The following DNAH2 variants were observed in gnomAD, a reference collection of about 807,000 sequenced individuals.
DNAH2 encodes the protein dynein axonemal heavy chain 2, also known as axonemal beta dynein heavy chain 2.
A neutral mutation model predicts 523.5 loss-of-function variants in DNAH2; 323 were observed. That is an observed-to-expected ratio of 0.62 (90% confidence interval 0.56 to 0.68). The LOEUF (loss-of-function observed/expected upper bound fraction) is 0.68, where lower values mean the gene tolerates loss of function less well. Ranked by LOEUF, DNAH2 falls within the 30% of genes least tolerant of loss-of-function variation. DNAH2 has a pLI of 0.00. For synonymous variants in DNAH2, 2,093 were observed against 2,177.4 expected, an observed-to-expected ratio of 0.96 and a Z score of 1.08; for missense variants, 4,907 against 5,701.5, an observed-to-expected ratio of 0.86 and a Z score of 4.49.
rs1382909743 is a variant in DNAH2 at position 7,832,525 on chromosome 17, T to C, written c.12727-54T>C. On this transcript the variant is annotated intron_variant, in intron 82 of 85. Transcript: ENST00000572933. The surrounding 1 kb of genome is among the most constrained non-coding windows in gnomAD (Gnocchi z 4.3). The stretch of plus-strand genomic sequence containing the variant: ...ACTCTGTCTCTAAATAAATAAATAA[T>C]ACGGATTTGAATGCACGGCTAAATG... 6.3e-7 allele frequency: 1 copy of C among 1,580,146 alleles called. No homozygotes were observed. The highest frequency in any genetic ancestry group is 1.4e-5 in the African/African-American group (1 of 73,740).
At chr17:7,730,448 G>A (rs62062610) in intron 4 of DNAH2, among the ~76,000 whole-genome samples, 16,483 of 152,164 alleles carry the variant, frequency 0.11, 1,008 homozygotes, top group Non-Finnish European at 0.12. Context: ...TAAAATACAA[G>A]TAATTTCCCT....
At chr17:7,771,821 A>G (rs1261620548) in intron 28 of DNAH2, among the ~76,000 whole-genome samples, 1 of 151,904 alleles carries the variant, frequency 6.6e-6, no homozygotes, top group African/African-American at 2.4e-5. Flanking sequence ...GGTTCAAATG[A>G]TTCTCCTGCT....
chr17:7,744,838 T>G (rs1266247487), intron 12 of DNAH2, among the ~76,000 whole-genome samples: 1 of 152,150 alleles, frequency 6.6e-6, no homozygotes, highest in Non-Finnish European at 1.5e-5. Context: ...TCGAGCTGGG[T>G]ACCCCCAAAG....
intron 55 of DNAH2, 82 bp from the exon 56 acceptor site, chr17:7,799,021 C>T (rs566456766): frequency 1.2e-5 from 18 of 1,545,036 alleles, no homozygotes; most frequent in East Asian, 4.6e-5. Flanking sequence ...GGAAACACTT[C>T]GTCAGCCCCA....
Position 7,823,909 on chromosome 17 carries a change from T to C in DNAH2, c.11405T>C (p.Phe3802Ser). 1 of 1,614,092 alleles carries C rather than the reference T, an allele frequency of 6.2e-7. No homozygotes were observed. The stretch of plus-strand genomic sequence containing the variant: ...TCCCTGCGCCAGGACCGCGTGGCCT[T>C]CTGCGTGACCTCCTTCATCATCACC... ...VRSLRQDRVA[F>S]CVTSFIITNL... is the part of the protein sequence containing the mutation. Residue 3802 changes from phenylalanine to serine, a missense_variant, in exon 75 of 86, where the codon TTC becomes TCC. By Grantham distance (155) the Phe-to-Ser change is radical. Around this residue, in one of 3 missense-constraint regions of DNAH2, gnomAD observed 1,851 missense variants for 2,139.4 expected, o/e 0.87. Coordinates refer to ENST00000572933, the MANE Select transcript of DNAH2 (RefSeq NM_020877.5).
chr17:7,830,836 T>C lies in DNAH2; in HGVS notation c.12224T>C (p.Phe4075Ser), dbSNP rs538040475. The C allele has an allele frequency of 2.5e-6, 4 of 1,613,842 alleles. No individual in the cohort carries two copies. The South Asian group carries it at 3.3e-5, about 13-fold the overall frequency. Reference sequence around the variant, plus strand: ...TGTGACCAGTCTCTATCAACTCCCTTCCACCGGTGAGGGGGAGGTGGCCCT... The same window carrying C: ...TGTGACCAGTCTCTATCAACTCCCTCCCACCGGTGAGGGGGAGGTGGCCCT... ...YFCDQSLSTP[F>S]HRLSALETYF... Residue 4075 changes from phenylalanine to serine, a missense_variant, in exon 79 of 86, where the codon TTC becomes TCC. Physicochemically the swap from Phe to Ser is radical, Grantham distance 155. Coordinates refer to ENST00000572933, the MANE Select transcript of DNAH2 (RefSeq NM_020877.5).
At chr17:7,723,290 T>TTTTTTTTTTTTTC (rs2074688381) in intron 2 of DNAH2, among the ~76,000 whole-genome samples, 1 of 114,764 alleles carries the variant, frequency 8.7e-6, no homozygotes. Context: ...TTTTTTTTTT[T>TTTTTTTTTTTTTC]GAGACAGGGT....
At chr17:7,732,435 A>C (rs2075017325) in intron 4 of DNAH2, among the ~76,000 whole-genome samples, 1 of 95,856 alleles carries the variant, frequency 1.0e-5, no homozygotes, top group African/African-American at 5.0e-5. Context: ...ACTCCATCTC[A>C]AAAAAAAAAA....
chr17:7,807,535 G>T lies in DNAH2; in HGVS notation c.9678G>T (p.Gln3226His). The change falls in exon 63 of 86, where the codon CAG becomes CAT. Residue 3226 changes from glutamine (Q) to histidine (H), a missense_variant. Transcript: ENST00000572933. The surrounding 1 kb of genome is among the most constrained non-coding windows in gnomAD (Gnocchi z 5.6). Reference sequence around the variant, plus strand: ...TCCGAATGAACGCTGCCTTGGCTCAGCTTCGGGAGAAGCAAGCCGCGCTCG... The same window carrying T: ...TCCGAATGAACGCTGCCTTGGCTCATCTTCGGGAGAAGCAAGCCGCGCTCG... Reference protein sequence around the residue: ...KRIRMNAALAQLREKQAALAE... With the variant: ...KRIRMNAALAHLREKQAALAE... 1 of 1,613,286 alleles carries T rather than the reference G, an allele frequency of 6.2e-7. No individual in the cohort carries two copies. Among genetic ancestry groups the T allele is most frequent in the East Asian group, 2.2e-5 (1 of 44,886 alleles).
intron 12 of DNAH2, among the ~76,000 whole-genome samples, chr17:7,751,396 A>G (rs981890245): frequency 6.6e-6 from 1 of 151,662 alleles, no homozygotes; most frequent in African/African-American, 2.4e-5. Flanking sequence ...CCAGGCCAAG[A>G]TTTTTTTTTA....
rs1199852475 is a variant in DNAH2 at position 7,768,049 on chromosome 17, CAA to C, written c.3827_3828del (p.Lys1276ArgfsTer3). 3 of 1,614,102 alleles carry C rather than the reference CAA, an allele frequency of 1.9e-6. No individual in the cohort carries two copies. Among genetic ancestry groups the C allele is most frequent in the East Asian group, 4.5e-5 (2 of 44,882 alleles). ...TGTTTCGTCGCCTCACAAAATTAGC[CAA>C]AGAGTATAAGGTGGGGAGAAACGGC... The part of the protein sequence containing the change: ...GLFRRLTKLA[K>X]EYKDRNWEII... On this transcript the variant is annotated frameshift_variant, in exon 23 of 86. Coordinates refer to ENST00000572933, the MANE Select transcript of DNAH2 (RefSeq NM_020877.5). LOFTEE classifies it high-confidence loss of function.
Position 7,771,438 on chromosome 17 carries a change from A to G in DNAH2, c.4471A>G (p.Asn1491Asp). 1 of 1,614,012 alleles carries G rather than the reference A, an allele frequency of 6.2e-7. No individual in the cohort carries two copies. The highest frequency in any genetic ancestry group is 8.5e-7 in the Non-Finnish European group (1 of 1,179,902). The change falls in exon 28 of 86, where the codon AAC (asparagine) becomes GAC (aspartate). Residue 1491 changes from asparagine to aspartate, a missense_variant. This residue lies in a region of DNAH2 where 2,806 missense variants were observed against 3,190.8 expected (regional missense o/e 0.88). Transcript: ENST00000572933. ...KAIMDRMNKD[N>D]NALRSTHHPG... ...CATCATGGACAGGATGAACAAGGAC[A>G]ACAATGCTCTCCGGAGCACCCATCA... is the stretch of plus-strand genomic sequence containing the variant.
At position 7,823,347 on chromosome 17, in the gene DNAH2, C is replaced by CAGAGAGAG. The variant is rs71389703; in HGVS notation, c.11143-78_11143-71dup. Reference sequence around the variant, plus strand: ...TTTCCCACCGAGAGAGAGAAAAATACAGAGAGAGAGAGAGAGAGAGAGAGG... The same window carrying CAGAGAGAG: ...TTTCCCACCGAGAGAGAGAAAAATACAGAGAGAGAGAGAGAGAGAGAGAGAGAGAGAGG... On this transcript the variant is annotated intron_variant, in intron 73 of 85. Transcript: ENST00000572933. 1.0e-3 allele frequency: 818 copies of CAGAGAGAG among 789,694 alleles called. 2 individuals are homozygous for CAGAGAGAG. Among genetic ancestry groups the CAGAGAGAG allele is most frequent in the African/African-American group, 0.01 (546 of 53,734 alleles). The allele number at this position is 789,694 out of a possible 1,614,324, so 48.9% of individuals were successfully genotyped here.
At position 7,786,422 on chromosome 17, in the gene DNAH2, C is replaced by A. The variant is rs2076736568; in HGVS notation, c.6348+80C>A. 1 of 1,527,040 alleles carries A rather than the reference C, an allele frequency of 6.5e-7. No homozygotes were observed. The highest frequency in any genetic ancestry group is 8.9e-7 in the Non-Finnish European group (1 of 1,127,138). 94.6% of individuals were successfully genotyped at this position (1,527,040 alleles called of 1,614,324 possible). ...AATGGAGGGTGGGGGCCAGGGAGGA[C>A]CTTGCAAGGCCGGGAGAGCTGTACC... On this transcript the variant is annotated intron_variant, in intron 40 of 85. Coordinates refer to ENST00000572933, the MANE Select transcript of DNAH2 (RefSeq NM_020877.5). This position sits in a 1 kb window ranked among gnomAD's most constrained non-coding sequence, Gnocchi z 7.5.
intron 11 of DNAH2, among the ~76,000 whole-genome samples, chr17:7,741,890 C>T (rs1035018828): frequency 6.0e-5 from 9 of 150,870 alleles, no homozygotes; most frequent in East Asian, 4.0e-4. Flanking sequence ...CTCGAACTCC[C>T]GACCTCAGGT....
intron 8 of DNAH2, chr17:7,737,893 C>G (rs1411823970): frequency 1.5e-6 from 1 of 687,334 alleles, no homozygotes; most frequent in Non-Finnish European, 2.7e-6. Context: ...GAAGCACGGG[C>G]AGGGGGATGC....
In DNAH2 at chr17:7,742,219, T is replaced by C. The variant is rs115069248; in HGVS notation, c.1690-709T>C. 8.5e-3 allele frequency among the ~76,000 whole-genome samples: 1,296 copies of C among 152,008 alleles called. 15 individuals are homozygous for C. Among genetic ancestry groups the C allele is most frequent in the African/African-American group, 0.028 (1,158 of 41,478 alleles). Reference sequence around the variant, plus strand: ...CCAAGGTGGGTGGATCATTTGAAGTTAGGAGTTCATGACCAGTTTGGCCAA... The same window carrying C: ...CCAAGGTGGGTGGATCATTTGAAGTCAGGAGTTCATGACCAGTTTGGCCAA... On this transcript the variant is annotated intron_variant, in intron 11 of 85. Coordinates refer to ENST00000572933, the MANE Select transcript of DNAH2 (RefSeq NM_020877.5).
intron 27 of DNAH2, among the ~76,000 whole-genome samples, 174 bp from the exon 28 acceptor site, chr17:7,771,156 C>T (rs1379166698): frequency 6.6e-6 from 1 of 152,042 alleles, no homozygotes; most frequent in Non-Finnish European, 1.5e-5. Flanking sequence ...CTTCTTAGAC[C>T]CAGGTAGCTG....
At chr17:7,726,339 T>C (rs568116307) in intron 3 of DNAH2, among the ~76,000 whole-genome samples, 1 of 149,940 alleles carries the variant, frequency 6.7e-6, no homozygotes, top group South Asian at 2.1e-4. Context: ...ATTCTCACTC[T>C]GTTACCCAGG....
Sources: gnomAD v4.1 joint callset for allele counts (sites outside exome capture counted in the v4.1 genomes callset) on GRCh38, gnomAD v4.1.1 for gene constraint, gnomAD v4.1.1 regional missense constraint, Gnocchi (gnomAD v3.1) non-coding constraint, MANE v1.5 for transcripts, NCBI Gene and HGNC (gene_info 2026-07-23, HGNC 2026-07-21) for gene names.